Variants in MYO5A observed in about 807,000 individuals in gnomAD.
MYO5A encodes the protein unconventional myosin-Va.
A neutral mutation model predicts 249.7 loss-of-function variants in MYO5A; 98 were observed. The observed-to-expected ratio is 0.39, with a 90% CI of 0.33 to 0.46. The LOEUF is 0.46. Among genes scored for constraint, MYO5A ranks in the 20% least tolerant of loss-of-function variants. The pLI is 0.98. For synonymous variants in MYO5A, 778 were observed against 810.6 expected (o/e 0.96, Z 0.68); for missense variants, 1,696 against 2,308.8 (o/e 0.73, Z 5.44).
intron 2 of MYO5A, 112 bp from the exon 3 acceptor site, chr15:52,428,681 A>T: frequency 9.0e-7 from 1 of 1,110,796 alleles, no homozygotes; most frequent in Admixed American, 1.7e-5. Context: ...TATTAAATGC[A>T]TTATTTTCCT....
chr15:52,343,010 A>G (rs575253081), intron 31 of MYO5A, 107 bp downstream of exon 31: 2 of 898,340 alleles, frequency 2.2e-6, no homozygotes, highest in East Asian at 2.4e-5. Flanking sequence ...AATTTACCCA[A>G]GAAGACAATC....
chr15:52,526,211 G>A (rs1269723758), intron 1 of MYO5A, among the ~76,000 whole-genome samples: 1 of 152,054 alleles, frequency 6.6e-6, no homozygotes, highest in Non-Finnish European at 1.5e-5. Context: ...ACACGGTCTT[G>A]CTGTTTTGCC....
chr15:52,376,285 A>G, intron 19 of MYO5A, 62 bp downstream of exon 19: 2 of 1,526,798 alleles, frequency 1.3e-6, no homozygotes, highest in South Asian at 1.1e-5. Flanking sequence ...TGACCAGTCA[A>G]AACTGTCCTT....
intron 1 of MYO5A, among the ~76,000 whole-genome samples, chr15:52,463,467 C>CT (rs1158887140): frequency 3.9e-5 from 6 of 152,022 alleles, no homozygotes; most frequent in Admixed American, 1.3e-4. Context: ...AAATTGCTTT[C>CT]TTTTTTTATT....
chr15:52,413,173 A>G (rs1256587488), intron 5 of MYO5A, among the ~76,000 whole-genome samples: 3 of 145,830 alleles, frequency 2.1e-5, no homozygotes, highest in Admixed American at 6.9e-5. Flanking sequence ...AAAAAAAATT[A>G]ACATCCAGGC....
intron 40 of MYO5A, 78 bp downstream of exon 40, chr15:52,316,970 G>T: frequency 6.9e-7 from 1 of 1,443,684 alleles, no homozygotes; most frequent in Non-Finnish European, 9.7e-7. Flanking sequence ...CAAGCAATAA[G>T]TAGAGGACTT....
chr15:52,351,812 G>A (rs1422700473), intron 27 of MYO5A, among the ~76,000 whole-genome samples: 1 of 152,204 alleles, frequency 6.6e-6, no homozygotes, highest in Non-Finnish European at 1.5e-5. Flanking sequence ...ATGGAGCCTA[G>A]CTTTTGTTTG....
intron 1 of MYO5A, among the ~76,000 whole-genome samples, chr15:52,468,224 C>T (rs2076390130): frequency 6.6e-6 from 1 of 152,084 alleles, no homozygotes; most frequent in Non-Finnish European, 1.5e-5. Context: ...ATCACCCGAG[C>T]TGGGAAGGCA....
chr15:52,383,223 T>A (rs1295951856), intron 15 of MYO5A, 35 bp from the exon 16 acceptor site: 1 of 1,530,398 alleles, frequency 6.5e-7, no homozygotes. Context: ...GTATCAAGGC[T>A]TTGTCCAAAG....
intron 1 of MYO5A, among the ~76,000 whole-genome samples, chr15:52,518,872 G>T (rs1387245995): frequency 5.3e-5 from 8 of 151,986 alleles, no homozygotes; most frequent in Non-Finnish European, 1.0e-4. Flanking sequence ...ATCAGGGAGT[G>T]GTAATAAAGC....
At chr15:52,510,593 T>G (rs933123122) in intron 1 of MYO5A, among the ~76,000 whole-genome samples, 4 of 152,222 alleles carry the variant, frequency 2.6e-5, no homozygotes, top group African/African-American at 9.6e-5. Flanking sequence ...GCAGTGGCAT[T>G]AGATTCTCAT....
At chr15:52,324,243 A>G (rs1226408404) in intron 36 of MYO5A, among the ~76,000 whole-genome samples, 1 of 152,114 alleles carries the variant, frequency 6.6e-6, no homozygotes, top group Non-Finnish European at 1.5e-5. Flanking sequence ...GAGAAGAAGG[A>G]AGTCCTGAGC....
At chr15:52,462,840 C>T (rs1407701629) in intron 1 of MYO5A, among the ~76,000 whole-genome samples, 1 of 146,338 alleles carries the variant, frequency 6.8e-6, no homozygotes, top group Admixed American at 6.9e-5. Context: ...AGCGAGAATC[C>T]GTCTTGGAAA....
chr15:52,329,476 CAAAGCCAG>C (rs1260040509), intron 35 of MYO5A, among the ~76,000 whole-genome samples: 2 of 152,208 alleles, frequency 1.3e-5, no homozygotes, highest in African/African-American at 4.8e-5. Flanking sequence ...AGTTTTCTTG[CAAAGCCAG>C]CAGGCTCAGA....
At chr15:52,397,607 G>C (rs1954045014) in intron 9 of MYO5A, 141 bp from the exon 10 acceptor site, 1 of 998,732 alleles carries the variant, frequency 1.0e-6, no homozygotes, top group African/African-American at 1.6e-5. Context: ...AAGTTGATTA[G>C]TGATAATAAT....
chr15:52,411,474 T>A (rs905479819), intron 5 of MYO5A, among the ~76,000 whole-genome samples: 6 of 152,104 alleles, frequency 3.9e-5, no homozygotes, highest in Non-Finnish European at 8.8e-5. Flanking sequence ...ACCTTAAAAA[T>A]TTTAATGACA....
At chr15:52,444,804 T>C (rs1413198778) in intron 1 of MYO5A, among the ~76,000 whole-genome samples, 1 of 152,208 alleles carries the variant, frequency 6.6e-6, no homozygotes, top group African/African-American at 2.4e-5. Flanking sequence ...ATCACCCTGA[T>C]AAATGATGTA....
chr15:52,506,112 G>A (rs1013867342), intron 1 of MYO5A, among the ~76,000 whole-genome samples: 3 of 152,060 alleles, frequency 2.0e-5, no homozygotes, highest in African/African-American at 7.2e-5. Context: ...AGCACTTTAG[G>A]AGGCCGAGGC....
At chr15:52,424,647 G>C (rs767716366) in intron 4 of MYO5A, among the ~76,000 whole-genome samples, 15 of 152,204 alleles carry the variant, frequency 9.9e-5, no homozygotes, top group Non-Finnish European at 2.1e-4. Context: ...TCCCTGGCTG[G>C]AGAGGACAAA....
Sources: gnomAD v4.1 joint callset for allele counts (sites outside exome capture counted in the v4.1 genomes callset) on GRCh38, gnomAD v4.1.1 for gene constraint, MANE v1.5 for transcripts, NCBI Gene and HGNC (gene_info 2026-07-23, HGNC 2026-07-21) for gene names.